Variants in VSIG1 observed in about 807,000 individuals in gnomAD.
VSIG1 encodes V-set and immunoglobulin domain-containing protein 1.
Under a neutral mutation model 20.1 loss-of-function variants are expected in VSIG1, and 11 were observed. That is an observed-to-expected ratio of 0.55 (90% confidence interval 0.34 to 0.91). The LOEUF (loss-of-function observed/expected upper bound fraction) is 0.91, where lower values mean the gene tolerates loss of function less well. Ranked by LOEUF, VSIG1 falls within the 40% of genes least tolerant of loss-of-function variation. VSIG1 has a pLI of 0.02. For synonymous variants in VSIG1, 126 were observed against 116.7 expected, an observed-to-expected ratio of 1.08 and a Z score of -0.52; for missense variants, 283 against 298.8, an observed-to-expected ratio of 0.95 and a Z score of 0.39.
the VSIG1 span, among the ~76,000 whole-genome samples, chrX:108,031,659 A>G: frequency 8.9e-6 from 1 of 112,365 alleles, no homozygotes; most frequent in African/African-American, 3.2e-5. Context: ...TTGGCCACCA[A>G]ATTTAAAGGA....
At chrX:108,047,831 C>CATATATATATACATATATATAT (rs1315556430) in intron 1 of VSIG1, among the ~76,000 whole-genome samples, 1 of 32,576 alleles carries the variant, frequency 3.1e-5, no homozygotes, top group African/African-American at 1.5e-4. Flanking sequence ...CATATATATA[C>CATATATATATACATATATATAT]ACATATATAT....
Position 108,073,354 on chromosome X carries a change from G to T in VSIG1, c.673G>T (p.Asp225Tyr), listed in dbSNP as rs770041005. ...NRLGNSSCEI[D>Y]LTSSHPEVGI... The stretch of plus-strand genomic sequence containing the variant: ...ACTTGGCAATAGTTCCTGCGAAATC[G>T]ATCTCACTTCTTCACGTGAGTTGAC... The change falls in exon 5 of 7, where the codon GAT (aspartate) becomes TAT (tyrosine). Residue 225 changes from aspartate to tyrosine, a missense_variant. Coordinates refer to ENST00000217957, the MANE Select transcript of VSIG1 (RefSeq NM_182607.5). The T allele has an allele frequency of 1.7e-6, 2 of 1,210,468 alleles. No individual in the cohort carries two copies. The highest frequency in any genetic ancestry group is 2.2e-6 in the Non-Finnish European group (2 of 894,862).
chrX:108,077,080 G>A lies in VSIG1; in HGVS notation c.863G>A (p.Ser288Asn). 8.3e-7 allele frequency: 1 copy of A among 1,210,362 alleles called. No homozygotes were observed. The highest frequency in any genetic ancestry group is 1.1e-6 in the Non-Finnish European group (1 of 894,979). The change falls in exon 7 of 7, where the codon AGC (serine) becomes AAC (asparagine). Residue 288 changes from serine to asparagine, a missense_variant. Coordinates refer to ENST00000217957, the MANE Select transcript of VSIG1 (RefSeq NM_182607.5). The stretch of plus-strand genomic sequence containing the variant: ...ACAAAGATAAACCCAAGGGGAGAAA[G>A]CGAAGCAATGCCAAGAGAAGACGCT... ...PMTKINPRGE[S>N]EAMPREDATQ...
At chrX:108,071,892 C>CAAAA (rs1203449181) in intron 3 of VSIG1, among the ~76,000 whole-genome samples, 5 of 36,397 alleles carry the variant, frequency 1.4e-4, no homozygotes, top group East Asian at 1.1e-3. Flanking sequence ...TGAACAAATG[C>CAAAA]AAAAAAAAAA....
intron 1 of VSIG1, among the ~76,000 whole-genome samples, chrX:108,053,268 A>G (rs992582320): frequency 3.6e-5 from 4 of 112,400 alleles, no homozygotes; most frequent in African/African-American, 1.3e-4. Flanking sequence ...CATGAGTTCT[A>G]TAAATCATAT....
chrX:108,031,656 C>G, the VSIG1 span, among the ~76,000 whole-genome samples: 1 of 112,046 alleles, frequency 8.9e-6, no homozygotes, highest in Admixed American at 9.4e-5. Context: ...ATATTGGCCA[C>G]CAAATTTAAA....
chrX:108,028,772 A>G, the VSIG1 span, among the ~76,000 whole-genome samples: 1 of 111,797 alleles, frequency 8.9e-6, no homozygotes, highest in Non-Finnish European at 1.9e-5. Context: ...GAGGTTAAGC[A>G]TCCCAAAGAG....
At chrX:108,073,114 G>T (rs1187895173) in intron 4 of VSIG1, 136 bp from the exon 5 acceptor site, 10 of 753,817 alleles carry the variant, frequency 1.3e-5, no homozygotes, top group Non-Finnish European at 2.0e-5. Context: ...AGTCCTGAGG[G>T]GCCTAGTTGA....
At chrX:108,047,973 T>TATATATACAC in intron 1 of VSIG1, among the ~76,000 whole-genome samples, 1 of 59,637 alleles carries the variant, frequency 1.7e-5, no homozygotes, top group East Asian at 5.2e-4. Context: ...TATATATATA[T>TATATATACAC]ATATATATAT....
chrX:108,073,607 C>T (rs1234034028), intron 5 of VSIG1: 4 of 319,185 alleles, frequency 1.3e-5, no homozygotes, highest in East Asian at 1.1e-4. Flanking sequence ...TTCACAAAAT[C>T]GCTAGAAGGT....
At chrX:108,071,490 C>T (rs2031241978) in intron 3 of VSIG1, among the ~76,000 whole-genome samples, 1 of 111,191 alleles carries the variant, frequency 9.0e-6, no homozygotes, top group African/African-American at 3.3e-5. Context: ...TGAGGAGATT[C>T]AGATTCCCAG....
At chrX:108,033,530 C>T in the VSIG1 span, among the ~76,000 whole-genome samples, 3 of 111,536 alleles carry the variant, frequency 2.7e-5, no homozygotes, top group Non-Finnish European at 3.8e-5. Context: ...TTCTCCTGAA[C>T]GTCTCCCTCC....
At chrX:108,072,370 A>C (rs1417817877) in intron 3 of VSIG1, among the ~76,000 whole-genome samples, 1 of 110,603 alleles carries the variant, frequency 9.0e-6, no homozygotes, top group Non-Finnish European at 1.9e-5. Flanking sequence ...CTACTGCCTC[A>C]CCCTCCCAAG....
chrX:108,026,192 A>G, the VSIG1 span, among the ~76,000 whole-genome samples: 1 of 111,924 alleles, frequency 8.9e-6, no homozygotes, highest in Non-Finnish European at 1.9e-5. Context: ...AACCCATCTG[A>G]TTGGAGGGAA....
chrX:108,073,430 A>G, intron 5 of VSIG1, 61 bp downstream of exon 5: 1 of 1,165,833 alleles, frequency 8.6e-7, no homozygotes. Context: ...GGCCTGTCAG[A>G]CAAATAAATT....
At chrX:108,067,355 A>G (rs1278100577) in intron 3 of VSIG1, among the ~76,000 whole-genome samples, 4 of 111,770 alleles carry the variant, frequency 3.6e-5, no homozygotes, top group Non-Finnish European at 7.5e-5. Context: ...ACGGGCTGCC[A>G]AAATGACAGC....
intron 1 of VSIG1, among the ~76,000 whole-genome samples, chrX:108,048,469 T>C (rs1033201137): frequency 8.9e-6 from 1 of 112,615 alleles, no homozygotes; most frequent in Non-Finnish European, 1.9e-5. Flanking sequence ...CAACCACATA[T>C]GCATTTTTGT....
chrX:108,064,917 C>T (rs993752569), intron 2 of VSIG1: 3 of 190,922 alleles, frequency 1.6e-5, no homozygotes, highest in Admixed American at 9.3e-5. Context: ...ATTGAACCTC[C>T]TTCTGTCCCA....
At position 108,058,329 on chromosome X, in the gene VSIG1, A is replaced by G. The variant is rs1298904309; in HGVS notation, c.213+128A>G. 5.9e-6 allele frequency: 4 copies of G among 679,742 alleles called. No individual in the cohort carries two copies. In the East Asian group the frequency reaches 1.4e-4, roughly 24 times the overall value. 56.0% of individuals were successfully genotyped at this position (679,742 alleles called of 1,213,427 possible). On this transcript the variant is annotated intron_variant, in intron 2 of 6. Coordinates refer to ENST00000217957, the MANE Select transcript of VSIG1 (RefSeq NM_182607.5). ...GTAGTGGCAGGAATCTCAGATACAA[A>G]AAGTTTGAAGACAGCTGTATAGAGA...
Sources: gnomAD v4.1 joint callset for allele counts (sites outside exome capture counted in the v4.1 genomes callset) on GRCh38, gnomAD v4.1.1 for gene constraint, MANE v1.5 for transcripts, NCBI Gene and HGNC (gene_info 2026-07-23, HGNC 2026-07-21) for gene names.